The following CDH1 variants were observed in gnomAD, a reference collection of about 807,000 sequenced individuals.
CDH1 encodes the protein cadherin 1, also known as cadherin-1.
CDH1 carries 35 observed loss-of-function variants against 84.5 expected under a neutral mutation model. The ratio of observed to expected loss-of-function variants is 0.41; its 90% confidence interval spans 0.32 to 0.55. The LOEUF is 0.55. CDH1 is among the 20% of genes least tolerant of loss of function. CDH1 has a pLI of 0.19. For synonymous variants in CDH1, 417 were observed against 439.0 expected, an observed-to-expected ratio of 0.95 and a Z score of 0.63; for missense variants, 994 against 1,126.6, an observed-to-expected ratio of 0.88 and a Z score of 1.68.
chr16:68,802,452 T>G (rs752667967), intron 3 of CDH1, among the ~76,000 whole-genome samples: 1 of 152,116 alleles, frequency 6.6e-6, no homozygotes, highest in Non-Finnish European at 1.5e-5. Context: ...GGAAGAAGAA[T>G]GAATGAGAGC....
chr16:68,821,669 A>T (rs1961146319), intron 11 of CDH1, among the ~76,000 whole-genome samples: 1 of 152,174 alleles, frequency 6.6e-6, no homozygotes, highest in Non-Finnish European at 1.5e-5. Flanking sequence ...TAGGGAAACA[A>T]CAGGCAGGCA....
intron 2 of CDH1, among the ~76,000 whole-genome samples, chr16:68,797,037 G>C (rs1960381258): frequency 6.6e-6 from 1 of 152,038 alleles, no homozygotes; most frequent in African/African-American, 2.4e-5. Flanking sequence ...GCTGGGTGTG[G>C]CAGCACATGC....
chr16:68,825,207 T>A (rs1011803502), intron 13 of CDH1, among the ~76,000 whole-genome samples: 1 of 152,182 alleles, frequency 6.6e-6, no homozygotes, highest in Admixed American at 6.6e-5. Context: ...GTCAGGGTAG[T>A]CAGAAAAGGC....
intron 2 of CDH1, among the ~76,000 whole-genome samples, chr16:68,745,566 A>ATGTGTAATATATGTG (rs1555510474): frequency 4.2e-3 from 79 of 18,796 alleles, no homozygotes; most frequent in African/African-American, 7.7e-3. Context: ...ATATATATGT[A>ATGTGTAATATATGTG]TATATATATG....
chr16:68,776,588 C>G (rs76922952), intron 2 of CDH1, among the ~76,000 whole-genome samples: 2 of 152,038 alleles, frequency 1.3e-5, no homozygotes, highest in Non-Finnish European at 2.9e-5. Flanking sequence ...AGGCTAGTCT[C>G]GAGTTCCTGG....
intron 8 of CDH1, 40 bp from the exon 9 acceptor site, chr16:68,813,273 T>G (rs2152133228): frequency 6.2e-7 from 1 of 1,603,436 alleles, no homozygotes; most frequent in Non-Finnish European, 8.5e-7. Context: ...CTGCTAGCAG[T>G]CTTGGTACTT....
Position 68,833,845 on chromosome 16 carries a change from A to G in CDH1, c.*346A>G. 2.6e-6 allele frequency: 1 copy of G among 387,784 alleles called. No homozygotes were observed. The highest frequency in any genetic ancestry group is 4.7e-6 in the Non-Finnish European group (1 of 211,132). 24.0% of individuals were successfully genotyped at this position (387,784 alleles called of 1,614,324 possible). A position where few individuals can be genotyped will look rare whatever the true frequency, so the allele number is the denominator to read the frequency against. On this transcript the variant is annotated 3_prime_UTR_variant, in exon 16 of 16. Transcript: ENST00000261769. ...AGATTTTCTTAAGGAATTTTGTCTC[A>G]CTTTTAAAAAGAAGGGGAGAAGTCA...
chr16:68,796,921 T>A (rs1368310012), intron 2 of CDH1, among the ~76,000 whole-genome samples: 4 of 152,124 alleles, frequency 2.6e-5, no homozygotes, highest in Non-Finnish European at 4.4e-5. Context: ...GTGGATCGCT[T>A]GAGGCCAGGA....
At chr16:68,774,060 C>T (rs1959659475) in intron 2 of CDH1, among the ~76,000 whole-genome samples, 1 of 152,090 alleles carries the variant, frequency 6.6e-6, no homozygotes, top group South Asian at 2.1e-4. Flanking sequence ...GCAGTACAGG[C>T]ACACGCCACC....
intron 10 of CDH1, among the ~76,000 whole-genome samples, chr16:68,818,218 C>T (rs867092963): frequency 4.7e-5 from 6 of 126,862 alleles, no homozygotes; most frequent in Non-Finnish European, 9.3e-5. Flanking sequence ...CCAGCCTGGG[C>T]GACAGAACGA....
At chr16:68,801,249 T>A (rs1197288166) in intron 2 of CDH1, among the ~76,000 whole-genome samples, 1 of 152,062 alleles carries the variant, frequency 6.6e-6, no homozygotes, top group Non-Finnish European at 1.5e-5. Context: ...GTGGCTGCAA[T>A]TACAGGCGCC....
At chr16:68,746,902 T>C (rs1962759588) in intron 2 of CDH1, among the ~76,000 whole-genome samples, 1 of 152,048 alleles carries the variant, frequency 6.6e-6, no homozygotes, top group Non-Finnish European at 1.5e-5. Flanking sequence ...TGAGCGGAGA[T>C]TGTGCCATTG....
chr16:68,778,335 C>T (rs959530944), intron 2 of CDH1, among the ~76,000 whole-genome samples: 4 of 152,194 alleles, frequency 2.6e-5, no homozygotes, highest in Non-Finnish European at 5.9e-5. Context: ...TGTGAGCCAC[C>T]GTGCCCGACC....
In CDH1 at chr16:68,813,005, AC is replaced by A. The variant is rs1340720774; in HGVS notation, c.1138-304del. Among the ~76,000 whole-genome samples the A allele has an allele frequency of 2.0e-5, 3 of 152,012 alleles. No homozygotes were observed. The East Asian group carries it at 5.8e-4, about 29-fold the overall frequency. ...CAGTGAGCCGAGATTGTACCATTGC[AC>A]CCCAGTGCGCCCATTGCCTGGCCTC... is the stretch of plus-strand genomic sequence containing the variant. On this transcript the variant is annotated intron_variant, in intron 8 of 15. Coordinates refer to ENST00000261769, the MANE Select transcript of CDH1 (RefSeq NM_004360.5).
chr16:68,819,992 A>T (rs1307174117), intron 11 of CDH1, among the ~76,000 whole-genome samples: 1 of 152,104 alleles, frequency 6.6e-6, no homozygotes, highest in Non-Finnish European at 1.5e-5. Context: ...TGAGCCCAGG[A>T]GTTCAAGACC....
chr16:68,751,433 A>G (rs1388991435), intron 2 of CDH1, among the ~76,000 whole-genome samples: 1 of 152,194 alleles, frequency 6.6e-6, no homozygotes, highest in Non-Finnish European at 1.5e-5. Flanking sequence ...CTGTCCTGAA[A>G]AGACTGCAAG....
intron 2 of CDH1, among the ~76,000 whole-genome samples, chr16:68,797,847 G>C (rs11641558): frequency 7.9e-5 from 12 of 152,158 alleles, no homozygotes; most frequent in Non-Finnish European, 1.5e-4. Context: ...GGGAGGCAGA[G>C]GCGGGCAGAT....
intron 2 of CDH1, among the ~76,000 whole-genome samples, chr16:68,794,324 G>A (rs1597879737): frequency 6.6e-6 from 1 of 152,016 alleles, no homozygotes; most frequent in African/African-American, 2.4e-5. Flanking sequence ...ACAGGCATGA[G>A]CCACCATACC....
intron 2 of CDH1, among the ~76,000 whole-genome samples, chr16:68,792,163 C>T (rs1056565912): frequency 6.6e-6 from 1 of 151,510 alleles, no homozygotes; most frequent in Non-Finnish European, 1.5e-5. Flanking sequence ...TCAGGTGATC[C>T]ATCTGCCTCA....
Sources: allele counts gnomAD v4.1 joint callset (sites outside exome capture counted in the v4.1 genomes callset), GRCh38; gene constraint gnomAD v4.1.1; transcripts MANE v1.5; gene names NCBI Gene and HGNC (gene_info 2026-07-23, HGNC 2026-07-21).